PTPRM: variants seen among roughly 807,000 people sequenced by gnomAD.
The protein encoded by PTPRM is receptor-type tyrosine-protein phosphatase mu.
PTPRM carries 47 observed loss-of-function variants against 186.7 expected under a neutral mutation model. The ratio of observed to expected loss-of-function variants is 0.25; its 90% confidence interval spans 0.20 to 0.32. The LOEUF is 0.32. Ranked by LOEUF, PTPRM falls within the 10% of genes least tolerant of loss-of-function variation. The pLI, the probability that PTPRM is intolerant of heterozygous loss-of-function variation, is 1.00. For synonymous variants in PTPRM, 668 were observed against 674.9 expected, an observed-to-expected ratio of 0.99 and a Z score of 0.16; for missense variants, 1,494 against 1,865.0, an observed-to-expected ratio of 0.80 and a Z score of 3.66.
intron 11 of PTPRM, among the ~76,000 whole-genome samples, chr18:8,099,165 C>A (rs776247974): frequency 1.8e-4 from 28 of 152,102 alleles, no homozygotes; most frequent in Middle Eastern, 3.4e-3. Context: ...CTCTTTCTCT[C>A]TCTCTTTCTC....
At chr18:8,109,177 A>G (rs1474400975) in intron 11 of PTPRM, among the ~76,000 whole-genome samples, 2 of 152,246 alleles carry the variant, frequency 1.3e-5, no homozygotes, top group Admixed American at 6.5e-5. Context: ...CTGTCAAGGT[A>G]CTATTGACCT....
intron 22 of PTPRM, among the ~76,000 whole-genome samples, chr18:8,322,082 A>G (rs1319142367): frequency 6.6e-6 from 1 of 152,190 alleles, no homozygotes; most frequent in Non-Finnish European, 1.5e-5. Context: ...TTCTTGCTCT[A>G]TTTGTCCTGT....
intron 1 of PTPRM, among the ~76,000 whole-genome samples, chr18:7,638,189 C>G (rs2038363588): frequency 6.6e-6 from 1 of 152,022 alleles, no homozygotes; most frequent in African/African-American, 2.4e-5. Context: ...CTAGAAAGAC[C>G]CAGCGAAACC....
chr18:8,385,742 A>G (rs1413638316), intron 30 of PTPRM, among the ~76,000 whole-genome samples: 2 of 152,242 alleles, frequency 1.3e-5, no homozygotes, highest in African/African-American at 4.8e-5. Flanking sequence ...AGGAGCCATT[A>G]CAGAGTTTTG....
At chr18:8,309,506 C>A (rs998402657) in intron 20 of PTPRM, among the ~76,000 whole-genome samples, 1 of 151,906 alleles carries the variant, frequency 6.6e-6, no homozygotes, top group African/African-American at 2.4e-5. Flanking sequence ...AGACACAGCT[C>A]CTCTTAAATA....
chr18:8,119,497 G>T (rs2092091091), intron 13 of PTPRM, among the ~76,000 whole-genome samples: 1 of 152,100 alleles, frequency 6.6e-6, no homozygotes, highest in South Asian at 2.1e-4. Flanking sequence ...ATGCTAATCT[G>T]CTGTTATTTA....
intron 5 of PTPRM, among the ~76,000 whole-genome samples, chr18:7,935,218 A>T (rs1490898834): frequency 6.6e-6 from 1 of 152,210 alleles, no homozygotes; most frequent in East Asian, 1.9e-4. Flanking sequence ...CTAGAAATGC[A>T]TAAAGGAGGA....
rs749154830 is a variant in PTPRM at position 8,280,588 on chromosome 18, C to T, written c.2755-15780C>T. 3.3e-5 allele frequency among the ~76,000 whole-genome samples: 5 copies of T among 152,144 alleles called. No individual in the cohort carries two copies. The South Asian group carries it at 6.2e-4, about 19-fold the overall frequency. On this transcript the variant is annotated intron_variant, in intron 19 of 32. Transcript: ENST00000580170. ...TGCCCAAAATGGTTGCTCCAAGGCACATGTGGCTATTTAAATGTAAATAAT... is the reference window on the plus strand; with the variant it reads ...TGCCCAAAATGGTTGCTCCAAGGCATATGTGGCTATTTAAATGTAAATAAT...
chr18:8,092,618 C>G (rs1028175960), intron 11 of PTPRM, among the ~76,000 whole-genome samples: 3 of 151,938 alleles, frequency 2.0e-5, no homozygotes, highest in African/African-American at 7.3e-5. Context: ...CATGACCCTT[C>G]CTAAAAGCAC....
At chr18:8,214,508 T>G (rs570632696) in intron 14 of PTPRM, among the ~76,000 whole-genome samples, 4 of 152,004 alleles carry the variant, frequency 2.6e-5, no homozygotes, top group Non-Finnish European at 5.9e-5. Flanking sequence ...TAAGTGAGAG[T>G]TTTTTATGTT....
chr18:7,893,274 C>T (rs2146406551), intron 3 of PTPRM, among the ~76,000 whole-genome samples: 1 of 152,090 alleles, frequency 6.6e-6, no homozygotes, highest in Middle Eastern at 3.4e-3. Flanking sequence ...GTCTTCTTTT[C>T]AAATATCCAT....
intron 1 of PTPRM, among the ~76,000 whole-genome samples, chr18:7,646,332 C>T (rs1410614753): frequency 1.3e-5 from 2 of 152,186 alleles, no homozygotes; most frequent in Non-Finnish European, 2.9e-5. Context: ...AGCCTTTGGG[C>T]AGGGGCATCC....
intron 14 of PTPRM, among the ~76,000 whole-genome samples, chr18:8,152,566 T>A (rs2093032939): frequency 6.6e-6 from 1 of 152,174 alleles, no homozygotes; most frequent in Non-Finnish European, 1.5e-5. Context: ...TTCCTATCTT[T>A]ATTTTTCATT....
intron 23 of PTPRM, among the ~76,000 whole-genome samples, chr18:8,344,468 A>ATC (rs1201251289): frequency 6.7e-6 from 1 of 149,038 alleles, no homozygotes; most frequent in Admixed American, 6.7e-5. Flanking sequence ...ATATATATAT[A>ATC]TATATATCTA....
chr18:8,111,874 T>C (rs2091770576), intron 11 of PTPRM, among the ~76,000 whole-genome samples: 1 of 152,296 alleles, frequency 6.6e-6, no homozygotes, highest in South Asian at 2.1e-4. Flanking sequence ...TCTTTACCCC[T>C]CCAAAAGCGA....
At chr18:7,908,225 T>C (rs1279868763) in intron 4 of PTPRM, among the ~76,000 whole-genome samples, 1 of 152,204 alleles carries the variant, frequency 6.6e-6, no homozygotes, top group Non-Finnish European at 1.5e-5. Context: ...CCTGTATCTT[T>C]GTTCAAAATT....
chr18:8,304,999 C>G (rs1170941271), intron 20 of PTPRM, among the ~76,000 whole-genome samples: 2 of 152,074 alleles, frequency 1.3e-5, no homozygotes, highest in South Asian at 4.2e-4. Flanking sequence ...TCCAGTTGTC[C>G]CACTGTGCAT....
At chr18:8,271,688 T>C (rs1395338129) in intron 19 of PTPRM, among the ~76,000 whole-genome samples, 3 of 152,132 alleles carry the variant, frequency 2.0e-5, no homozygotes, top group African/African-American at 7.2e-5. Flanking sequence ...TGTTACAGAT[T>C]TCTCATTTTT....
intron 7 of PTPRM, among the ~76,000 whole-genome samples, chr18:8,008,577 G>A (rs1490600032): frequency 6.6e-6 from 1 of 152,202 alleles, no homozygotes; most frequent in East Asian, 1.9e-4. Flanking sequence ...TTTGGGTGAT[G>A]TAGGGTTCAA....
Sources: gnomAD v4.1 joint callset for allele counts (sites outside exome capture counted in the v4.1 genomes callset) on GRCh38, gnomAD v4.1.1 for gene constraint, MANE v1.5 for transcripts, NCBI Gene and HGNC (gene_info 2026-07-23, HGNC 2026-07-21) for gene names.